ABCA2: variants seen among roughly 807,000 people sequenced by gnomAD.
ABCA2 encodes ATP binding cassette subfamily A member 2, also known as ATP-binding cassette sub-family A member 2.
In ABCA2, 84 loss-of-function variants were observed where a neutral mutation model predicts 262.8. The ratio of observed to expected loss-of-function variants is 0.32; its 90% CI spans 0.27 to 0.38. The LOEUF (loss-of-function observed/expected upper bound fraction) is 0.38. Ranked by LOEUF, ABCA2 falls within the 10% of genes least tolerant of loss-of-function variation. ABCA2 has a pLI of 1.00. For synonymous variants in ABCA2, 1,696 were observed against 1,502.9 expected (o/e 1.13, Z -2.97); for missense variants, 2,662 against 3,405.9 (o/e 0.78, Z 5.44).
intron 40 of ABCA2, 65 bp from the exon 41 acceptor site, chr9:137,010,436 C>CCCCCCA: frequency 6.6e-7 from 1 of 1,517,720 alleles, no homozygotes; most frequent in Non-Finnish European, 8.9e-7. Flanking sequence ...GGCCCCACCC[C>CCCCCCA]ACCCAGACCC....
Position 137,020,974 on chromosome 9 carries a change from C to G in ABCA2, c.985G>C (p.Asp329His). Residue 329 changes from aspartate to histidine, a missense_variant, in exon 9 of 49, where the codon GAT (aspartate) becomes CAT (histidine). By Grantham distance (81) the Asp-to-His change is moderately conservative. This residue lies in a region of ABCA2 where 403 missense variants were observed against 375.9 expected (regional missense o/e 1.07). Coordinates refer to ENST00000341511, the MANE Select transcript of ABCA2 (RefSeq NM_001606.5). ...RLQALLGDLL[D>H]AQKVLQDVDV... is the part of the protein sequence containing the mutation. ...ACATCCTGCAGAACCTTCTGGGCAT[C>G]CAGCAGGTCCCCCAGAAGCGCCTGC... 1.3e-6 allele frequency: 2 copies of G among 1,541,590 alleles called. No homozygotes were observed. The highest frequency in any genetic ancestry group is 1.4e-5 in the African/African-American group (1 of 73,204).
At position 137,018,809 on chromosome 9, in the gene ABCA2, C is replaced by T. The variant is rs375946503; in HGVS notation, c.1729G>A (p.Val577Met). The T allele has an allele frequency of 2.1e-5, 34 of 1,612,552 alleles. No individual in the cohort carries two copies. The highest frequency in any genetic ancestry group is 5.0e-5 in the Admixed American group (3 of 59,978). The change falls in exon 13 of 49, where the codon GTG becomes ATG. Residue 577 changes from valine (V) to methionine (M), a missense_variant. Physicochemically the swap from Val to Met is conservative, Grantham distance 21. This residue lies in a region of ABCA2 where 187 missense variants were observed against 205.9 expected (regional missense o/e 0.91). Coordinates refer to ENST00000341511, the MANE Select transcript of ABCA2 (RefSeq NM_001606.5). ...TCGGGGAAGCCCTTGAAGATGTCCA[C>T]GCTCACCTAGCGGGAGGGGCATCGC... ...GWIQFMSKVS[V>M]DIFKGFPDEE...
At chr9:137,009,171 G>T in intron 45 of ABCA2, 118 bp from the exon 46 acceptor site, 2 of 1,028,870 alleles carry the variant, frequency 1.9e-6, no homozygotes, top group Non-Finnish European at 2.7e-6. Context: ...GCCTCCCACA[G>T]CCCCCCAACC....
rs892012227 is a variant in ABCA2 at position 137,013,840 on chromosome 9, G to A, written c.4439C>T (p.Pro1480Leu). ...TCCAGCCGGTGGCCTACCAATCTCC[G>A]GGACGGACAGGGCCACGGTCATGGC... ...CVAMTVALSV[P>L]EIGDLPPLVL... is the part of the protein sequence containing the mutation. The change falls in exon 28 of 49, where the codon CCG becomes CTG. Residue 1480 changes from proline to leucine, a missense_variant. Around this residue, in one of 12 missense-constraint regions of ABCA2, gnomAD observed 75 missense variants for 118.3 expected, o/e 0.63. Transcript: ENST00000341511. 1 of 1,606,226 alleles carries A rather than the reference G, an allele frequency of 6.2e-7. No homozygotes were observed. Among genetic ancestry groups the A allele is most frequent in the South Asian group, 1.1e-5 (1 of 90,138 alleles).
At position 137,014,217 on chromosome 9, in the gene ABCA2, G is replaced by A. The variant is rs1831172838; in HGVS notation, c.4191C>T (p.Tyr1397=). 2 of 1,609,636 alleles carry A rather than the reference G, an allele frequency of 1.2e-6. No individual in the cohort carries two copies. Among genetic ancestry groups the A allele is most frequent in the Non-Finnish European group, 8.5e-7 (1 of 1,178,578 alleles). Residue 1397 remains tyrosine, a synonymous_variant, in exon 27 of 49, where the codon TAC becomes TAT. Coordinates refer to ENST00000341511, the MANE Select transcript of ABCA2 (RefSeq NM_001606.5). ...GAGYTDVYGD[Y]RPLFDNPQDP... The stretch of plus-strand genomic sequence containing the variant: ...CCTGTGGGTTATCAAAGAGGGGGCG[G>A]TAGTCGCCATAGACGTCGGTGTAGC...
intron 34 of ABCA2, 24 bp downstream of exon 34, chr9:137,012,078 T>C: frequency 6.2e-7 from 1 of 1,612,474 alleles, no homozygotes. Context: ...CTGCCCCACC[T>C]CATCCCCCAC....
At chr9:137,023,270 G>A in intron 3 of ABCA2, 1 of 634,626 alleles carries the variant, frequency 1.6e-6, no homozygotes, top group Non-Finnish European at 2.9e-6. Context: ...AGAGGTCAAA[G>A]AGCCACTCAC....
intron 3 of ABCA2, 77 bp downstream of exon 3, chr9:137,023,761 C>T (rs765198792): frequency 1.9e-5 from 14 of 719,252 alleles, no homozygotes; most frequent in Admixed American, 1.6e-4. Context: ...GCGGGGAGGG[C>T]GCTCAAGCCA....
In ABCA2 at chr9:137,017,515, T is replaced by C; in HGVS notation, c.2389A>G (p.Thr797Ala). 6.2e-7 allele frequency: 1 copy of C among 1,608,090 alleles called. No homozygotes were observed. Among genetic ancestry groups the C allele is most frequent in the Non-Finnish European group, 8.5e-7 (1 of 1,176,088 alleles). ...GCCCGCGCTCACCAGAACATGATGG[T>C]GGCCACCGCGTAGACTGCCAGGAAG... ...WLFLAVYAVA[T>A]IMFCFLVSVL... is the part of the protein sequence containing the mutation. Residue 797 changes from threonine (T) to alanine (A), a missense_variant, in exon 17 of 49, where the codon ACC becomes GCC. Physicochemically the swap from Thr to Ala is moderately conservative, Grantham distance 58. Coordinates refer to ENST00000341511, the MANE Select transcript of ABCA2 (RefSeq NM_001606.5).
At position 137,018,833 on chromosome 9, in the gene ABCA2, G is replaced by A. The variant is rs772661760; in HGVS notation, c.1723-18C>T. ...ACGCTCACCTAGCGGGAGGGGCATC[G>A]CTGGAGCCCGCCGTGGGCATGTGCG... is the stretch of plus-strand genomic sequence containing the variant. On this transcript the variant is annotated intron_variant, in intron 12 of 48. Transcript: ENST00000341511. The A allele has an allele frequency of 1.7e-5, 27 of 1,612,358 alleles. No individual in the cohort carries two copies. The highest frequency in any genetic ancestry group is 4.0e-5 in the African/African-American group (3 of 74,880).
chr9:137,017,033 C>T lies in ABCA2; in HGVS notation c.2645G>A (p.Ser882Asn). Residue 882 changes from serine (S) to asparagine (N), a missense_variant, in exon 19 of 49, where the codon AGC becomes AAC. By Grantham distance (46) the Ser-to-Asn change is conservative (BLOSUM62 1). Transcript: ENST00000341511. ...AGVGIQWHTF[S>N]QSPVEGDDFN... ...GTCGTCCCCCTCCACCGGGGACTGG[C>T]TGAAGGTGTGCCACTGGATGCCCAC... The T allele has an allele frequency of 6.2e-7, 1 of 1,612,792 alleles. No homozygotes were observed. Among genetic ancestry groups the T allele is most frequent in the Non-Finnish European group, 8.5e-7 (1 of 1,179,986 alleles).
Position 137,008,407 on chromosome 9 carries a change from C to T in ABCA2, c.7275+9G>A. ...GAGCCCTGGACAGCCATGAGAGCAG[C>T]CTGCTCACCCGCTCCTCCTCGAAGC... On this transcript the variant is annotated intron_variant, in intron 48 of 48. Transcript: ENST00000341511. 6.5e-7 allele frequency: 1 copy of T among 1,547,346 alleles called. No individual in the cohort carries two copies. The highest frequency in any genetic ancestry group is 8.7e-7 in the Non-Finnish European group (1 of 1,146,964).
Position 137,028,230 on chromosome 9 carries a change from G to A in ABCA2, c.-90C>T. ...GCAGCCCGCCGCGCCGCTGGGCATC[G>A]CCCGCGCGGGGGCGGGGCGCTCGGG... On this transcript the variant is annotated 5_prime_UTR_variant, in exon 1 of 49. Coordinates refer to ENST00000341511, the MANE Select transcript of ABCA2 (RefSeq NM_001606.5). The surrounding 1 kb of genome is among the most constrained non-coding windows in gnomAD (Gnocchi z 6.9). 1.0e-6 allele frequency: 1 copy of A among 977,944 alleles called. No individual in the cohort carries two copies. Among genetic ancestry groups the A allele is most frequent in the African/African-American group, 1.8e-5 (1 of 56,022 alleles). The allele number at this position is 977,944 out of a possible 1,614,324, so 60.6% of individuals were successfully genotyped here.
intron 21 of ABCA2, 35 bp downstream of exon 21, chr9:137,016,256 G>A (rs1411049093): frequency 3.1e-6 from 5 of 1,611,672 alleles, no homozygotes; most frequent in Non-Finnish European, 1.7e-6. Flanking sequence ...GCTCTGGTCA[G>A]CAGATGCCCA....
rs1358519027 is a variant in ABCA2, at chr9:137,014,906, C to T, written c.3882+7G>A. The T allele has an allele frequency of 1.9e-6, 3 of 1,577,358 alleles. No individual in the cohort carries two copies. Among genetic ancestry groups the T allele is most frequent in the African/African-American group, 1.3e-5 (1 of 74,326 alleles). ...GCAACTGCCCCCCGACCCGTGCGCCCTCACACCTGGAAGAGGCGCTCGAAA... is the reference window on the plus strand; with the variant it reads ...GCAACTGCCCCCCGACCCGTGCGCCTTCACACCTGGAAGAGGCGCTCGAAA... On this transcript the variant is annotated splice_region_variant and intron_variant, in intron 25 of 48. Coordinates refer to ENST00000341511, the MANE Select transcript of ABCA2 (RefSeq NM_001606.5).
rs946776043 is a variant in ABCA2, at chr9:137,022,921, A to T, written c.275+20T>A. On this transcript the variant is annotated intron_variant, in intron 4 of 48. Coordinates refer to ENST00000341511, the MANE Select transcript of ABCA2 (RefSeq NM_001606.5). ...GGGCTGGGGAGGGGTGGGTGCTCCG[A>T]GGGGCGGGTGGGCACTCACGTGGAG... is the stretch of plus-strand genomic sequence containing the variant. 84 of 291,224 alleles carry T rather than the reference A, an allele frequency of 2.9e-4. No homozygotes were observed. The highest frequency in any genetic ancestry group is 8.1e-4 in the African/African-American group (14 of 17,226). The allele number at this position is 291,224 out of a possible 1,614,324, so 18.0% of individuals were successfully genotyped here. A position where few individuals can be genotyped will look rare whatever the true frequency, so the allele number is the denominator to read the frequency against.
chr9:137,015,026 A>T lies in ABCA2; in HGVS notation c.3769T>A (p.Phe1257Ile). The T allele has an allele frequency of 1.2e-6, 2 of 1,607,478 alleles. No homozygotes were observed. Among genetic ancestry groups the T allele is most frequent in the Non-Finnish European group, 1.7e-6 (2 of 1,177,232 alleles). The change falls in exon 25 of 49, where the codon TTC becomes ATC. Residue 1257 changes from phenylalanine (F) to isoleucine (I), a missense_variant. By Grantham distance (21) the Phe-to-Ile change is conservative (BLOSUM62 0). Around this residue, in one of 12 missense-constraint regions of ABCA2, gnomAD observed 297 missense variants for 286.5 expected, o/e 1.04. Coordinates refer to ENST00000341511, the MANE Select transcript of ABCA2 (RefSeq NM_001606.5). ...CAGGAGGCCACATGCTTGCGGATGA[A>T]CTGGGACACCTGGAGCTCGGAGCAG... is the stretch of plus-strand genomic sequence containing the variant. ...SSCSELQVSQFIRKHVASCLL... is the reference protein window; with the variant it reads ...SSCSELQVSQIIRKHVASCLL...
In ABCA2 at chr9:137,017,774, C is replaced by CCGGCCCG; in HGVS notation, c.2211+6_2211+12dup. 3 of 1,612,020 alleles carry CCGGCCCG rather than the reference C, an allele frequency of 1.9e-6. No individual in the cohort carries two copies. The highest frequency in any genetic ancestry group is 2.5e-6 in the Non-Finnish European group (3 of 1,179,600). ...CCAGCCCGCGCCTCCAGGGAGAGTC[C>CCGGCCCG]CGGCCCGCGCACCTCCTTGAGCCGG... is the stretch of plus-strand genomic sequence containing the variant. On this transcript the variant is annotated intron_variant, in intron 16 of 48. Transcript: ENST00000341511.
chr9:137,017,921 A>G lies in ABCA2; in HGVS notation c.2097-20T>C. On this transcript the variant is annotated intron_variant, in intron 15 of 48. Transcript: ENST00000341511. ...AGGAAGCTGCGGGGAGGCCGCGCTCAGGCGCCACTCAGCCCCAGCCCCAGC... is the reference window on the plus strand; with the variant it reads ...AGGAAGCTGCGGGGAGGCCGCGCTCGGGCGCCACTCAGCCCCAGCCCCAGC... 1 of 1,612,212 alleles carries G rather than the reference A, an allele frequency of 6.2e-7. No individual in the cohort carries two copies. Among genetic ancestry groups the G allele is most frequent in the South Asian group, 1.1e-5 (1 of 91,066 alleles).
Sources: allele counts gnomAD v4.1 joint callset, GRCh38; gene constraint gnomAD v4.1.1; regional missense constraint gnomAD v4.1.1; non-coding constraint Gnocchi (gnomAD v3.1); transcripts MANE v1.5; gene names NCBI Gene and HGNC (gene_info 2026-07-23, HGNC 2026-07-21).